MAG: variants seen among roughly 807,000 people sequenced by gnomAD.
The protein encoded by MAG is myelin-associated glycoprotein.
MAG carries 30 observed loss-of-function variants against 60.7 expected under a neutral mutation model. The observed-to-expected ratio is 0.49, with a 90% confidence interval of 0.37 to 0.67. MAG has a LOEUF of 0.67. Ranked by LOEUF, MAG falls within the 30% of genes least tolerant of loss-of-function variation. The probability of loss-of-function intolerance (pLI) is 0.00; values close to 1 mark genes in which losing one functional copy is unlikely to be tolerated. For missense variants in MAG, 795 were observed against 851.7 expected (o/e 0.93, Z 0.83); for synonymous variants, 384 against 376.8 (o/e 1.02, Z -0.22).
chr19:35,294,309 ACT>A lies in MAG; in HGVS notation c.-24+24_-24+25del, dbSNP rs752171171. ...GATTCAGGTGAGGGGCAGGGTACCA[ACT>A]CTCTTCCCTTGCTTCAGCTTTGCAA... On this transcript the variant is annotated intron_variant, in intron 2 of 10. Transcript: ENST00000392213. The A allele has an allele frequency of 7.0e-6, 3 of 430,910 alleles. No individual in the cohort carries two copies. The highest frequency in any genetic ancestry group is 5.0e-5 in the South Asian group (3 of 60,472). The allele number at this position is 430,910 out of a possible 1,614,324, so 26.7% of individuals were successfully genotyped here. A position where few individuals can be genotyped will look rare whatever the true frequency, so the allele number is the denominator to read the frequency against.
chr19:35,307,135 C>T (rs1281097049), intron 7 of MAG, among the ~76,000 whole-genome samples: 62 of 152,362 alleles, frequency 4.1e-4, no homozygotes, highest in Non-Finnish European at 8.8e-5. Flanking sequence ...TTATGTCTGT[C>T]GGTTCAGGTT....
chr19:35,293,119 TC>T lies in MAG; in HGVS notation c.-80+916del, dbSNP rs984848142. Among the ~76,000 whole-genome samples, 25 of 152,282 alleles carry T rather than the reference TC, an allele frequency of 1.6e-4. No individual in the cohort carries two copies. Among genetic ancestry groups the T allele is most frequent in the Admixed American group, 3.3e-4 (5 of 15,294 alleles). On this transcript the variant is annotated intron_variant, in intron 1 of 10. Transcript: ENST00000392213. This position sits in a 1 kb window ranked among gnomAD's most constrained non-coding sequence, Gnocchi z 4.0. ...TGTCTGCCCGGGCACGTGCTCATCC[TC>T]ATCTGCATCTCTCTCCTGTACCTTC... is the stretch of plus-strand genomic sequence containing the variant.
intron 1 of MAG, 62 bp from the exon 2 acceptor site, chr19:35,294,173 G>T (rs917772823): frequency 2.6e-6 from 1 of 379,614 alleles, no homozygotes; most frequent in Non-Finnish European, 5.2e-6. Context: ...ATACTGAAGC[G>T]GGGGTGGGTT....
intron 1 of MAG, among the ~76,000 whole-genome samples, chr19:35,292,932 C>T (rs571590485): frequency 1.3e-5 from 2 of 152,222 alleles, no homozygotes; most frequent in African/African-American, 4.8e-5. Flanking sequence ...TGCATTTGTC[C>T]TCATCCCATC....
rs1314087297 is a variant in MAG at position 35,313,613 on chromosome 19, C to T, written c.*159C>T. ...CTGGGGGCCTGACCTCCCCCTCCTTCCCAGCTGCCCCTCCCTGCCAGCACC... is the reference window on the plus strand; with the variant it reads ...CTGGGGGCCTGACCTCCCCCTCCTTTCCAGCTGCCCCTCCCTGCCAGCACC... On this transcript the variant is annotated 3_prime_UTR_variant, in exon 11 of 11. Coordinates refer to ENST00000392213, the MANE Select transcript of MAG (RefSeq NM_002361.4). The T allele has an allele frequency of 9.4e-6, 6 of 640,476 alleles. No homozygotes were observed. In the Admixed American group the frequency reaches 1.8e-4, roughly 19 times the overall value. The allele number at this position is 640,476 out of a possible 1,614,324, so 39.7% of individuals were successfully genotyped here.
chr19:35,309,855 C>T lies in MAG; in HGVS notation c.1232-19C>T, dbSNP rs777861784. On this transcript the variant is annotated intron_variant, in intron 7 of 10. Coordinates refer to ENST00000392213, the MANE Select transcript of MAG (RefSeq NM_002361.4). Reference sequence around the variant, plus strand: ...GCGTTGGCTCCGGGCCACCCTCAGACCTGATTTTGCCCCTGCAGTCGCCCC... The same window carrying T: ...GCGTTGGCTCCGGGCCACCCTCAGATCTGATTTTGCCCCTGCAGTCGCCCC... 4.4e-6 allele frequency: 7 copies of T among 1,599,316 alleles called. No homozygotes were observed. Among genetic ancestry groups the T allele is most frequent in the Non-Finnish European group, 6.0e-6 (7 of 1,174,188 alleles).
intron 7 of MAG, among the ~76,000 whole-genome samples, chr19:35,305,752 C>T (rs933401345): frequency 2.6e-5 from 4 of 152,158 alleles, no homozygotes; most frequent in African/African-American, 4.8e-5. Flanking sequence ...GCCAGGAGTT[C>T]GAGACCAGCC....
intron 7 of MAG, among the ~76,000 whole-genome samples, chr19:35,304,062 C>T (rs1319534863): frequency 6.6e-6 from 1 of 152,180 alleles, no homozygotes; most frequent in African/African-American, 2.4e-5. Flanking sequence ...GTGTCTGCTA[C>T]ACAGTACATG....
At chr19:35,302,376 C>A (rs369676985) in intron 6 of MAG, 72 bp from the exon 7 acceptor site, 6 of 1,577,362 alleles carry the variant, frequency 3.8e-6, no homozygotes, top group Non-Finnish European at 4.3e-6. Flanking sequence ...GGGGTCATAT[C>A]TGGGGATGGT....
Position 35,304,465 on chromosome 19 carries a change from C to T in MAG, c.1231+1757C>T, listed in dbSNP as rs1387552179. Among the ~76,000 whole-genome samples, 6 of 152,276 alleles carry T rather than the reference C, an allele frequency of 3.9e-5. No individual in the cohort carries two copies. In the South Asian group the frequency reaches 8.3e-4, roughly 21 times the overall value. On this transcript the variant is annotated intron_variant, in intron 7 of 10. Transcript: ENST00000392213. ...TAGTAAGAGCAGCAGGCAGCAAATG[C>T]GCGTTAGGGGCCTGCCCTGGGCCAG...
chr19:35,300,480 G>A (rs2066441186), intron 6 of MAG, 76 bp downstream of exon 6: 6 of 1,481,984 alleles, frequency 4.0e-6, no homozygotes, highest in Admixed American at 2.3e-5. Context: ...CATCCAGGGC[G>A]AGCATGGGCT....
chr19:35,299,432 G>A, intron 4 of MAG, 122 bp from the exon 5 acceptor site: 1 of 652,764 alleles, frequency 1.5e-6, no homozygotes, highest in Non-Finnish European at 2.5e-6. Context: ...GAGCGGAGGC[G>A]ATACCGTTGA....
intron 6 of MAG, 35 bp from the exon 7 acceptor site, chr19:35,302,413 T>G: frequency 5.6e-6 from 9 of 1,608,310 alleles, no homozygotes; most frequent in Non-Finnish European, 6.8e-6. Context: ...AAGCACCTCC[T>G]GGGTTCTGAC....
chr19:35,312,702 A>G, intron 10 of MAG: 1 of 324,872 alleles, frequency 3.1e-6, no homozygotes, highest in African/African-American at 2.1e-5. Flanking sequence ...TCACCCAAAA[A>G]GGTATTAGGG....
At chr19:35,306,986 C>T (rs992579989) in intron 7 of MAG, among the ~76,000 whole-genome samples, 1 of 152,232 alleles carries the variant, frequency 6.6e-6, no homozygotes, top group South Asian at 2.1e-4. Context: ...TAACAGTTTC[C>T]GCAGCTTCAC....
Position 35,313,357 on chromosome 19 carries a change from T to G in MAG, c.1784T>G (p.Leu595Arg). The G allele has an allele frequency of 6.2e-7, 1 of 1,614,154 alleles. No homozygotes were observed. The highest frequency in any genetic ancestry group is 8.5e-7 in the Non-Finnish European group (1 of 1,179,990). ...CGGGGTGAGCCCCCAGAGCTGGACC[T>G]GAGCTATTCTCACTCGGACCTGGGG... ...GLRGEPPELD[L>R]SYSHSDLGKR... The change falls in exon 11 of 11, where the codon CTG becomes CGG. Residue 595 changes from leucine to arginine, a missense_variant. Transcript: ENST00000392213.
In MAG at chr19:35,301,541, C is replaced by G. The variant is rs1210115616; in HGVS notation, c.971-907C>G. Among the ~76,000 whole-genome samples the G allele has an allele frequency of 3.1e-4, 47 of 150,386 alleles. No homozygotes were observed. The Admixed American group carries it at 3.1e-3, about 10-fold the overall frequency. On this transcript the variant is annotated intron_variant, in intron 6 of 10. Transcript: ENST00000392213. ...CCCACTTCCCTGTTCAAGCAATTCTCCTGCCTCAGCCTCCCGAGTAGCTAG... is the reference window on the plus strand; with the variant it reads ...CCCACTTCCCTGTTCAAGCAATTCTGCTGCCTCAGCCTCCCGAGTAGCTAG...
At chr19:35,311,778 G>C in intron 9 of MAG, 140 bp from the exon 10 acceptor site, 1 of 639,526 alleles carries the variant, frequency 1.6e-6, no homozygotes, top group African/African-American at 1.8e-5. Flanking sequence ...GGTAGGAGAG[G>C]CTGGTGGTTC....
In MAG at chr19:35,313,487, C is replaced by T. The variant is rs761910839; in HGVS notation, c.*33C>T. ...GGGGGCAGCCTGCGTGGCTGACCCC[C>T]CTCAGGACCCTCGCTGGCCCCCACT... On this transcript the variant is annotated 3_prime_UTR_variant, in exon 11 of 11. Coordinates refer to ENST00000392213, the MANE Select transcript of MAG (RefSeq NM_002361.4). 15 of 1,571,374 alleles carry T rather than the reference C, an allele frequency of 9.5e-6. No homozygotes were observed. Among genetic ancestry groups the T allele is most frequent in the African/African-American group, 1.4e-5 (1 of 72,996 alleles).
Sources: allele counts gnomAD v4.1 joint callset (sites outside exome capture counted in the v4.1 genomes callset), GRCh38; gene constraint gnomAD v4.1.1; non-coding constraint Gnocchi (gnomAD v3.1); transcripts MANE v1.5; gene names NCBI Gene and HGNC (gene_info 2026-07-23, HGNC 2026-07-21).